The following PRKDC variants were observed in gnomAD, a reference collection of about 807,000 sequenced individuals.
PRKDC encodes the protein protein kinase, DNA-activated, catalytic subunit.
Under a neutral mutation model 486.9 loss-of-function variants are expected in PRKDC, and 82 were observed. That is an observed-to-expected ratio of 0.17 (90% CI 0.14 to 0.20). PRKDC has a LOEUF of 0.20. Ranked by LOEUF, PRKDC falls within the 10% of genes least tolerant of loss-of-function variation. The pLI is 1.00. For synonymous variants in PRKDC, 1,895 were observed against 1,837.0 expected (o/e 1.03, Z -0.81); for missense variants, 4,504 against 5,038.2 (o/e 0.89, Z 3.21).
Position 47,835,911 on chromosome 8 carries a change from G to A in PRKDC, c.7951+427C>T, listed in dbSNP as rs540205751. Among the ~76,000 whole-genome samples the A allele has an allele frequency of 3.7e-4, 57 of 152,140 alleles. 1 individual carries two copies. The South Asian group carries it at 0.012, about 31-fold the overall frequency. ...CCCGTAGCTGGGACTAACTACAGGC[G>A]TGCGCCACCATGCCCAGCTAATTTG... is the stretch of plus-strand genomic sequence containing the variant. On this transcript the variant is annotated intron_variant, in intron 58 of 85. Coordinates refer to ENST00000314191, the MANE Select transcript of PRKDC (RefSeq NM_006904.7).
rs1477153599 is a variant in PRKDC at position 47,929,873 on chromosome 8, T to C, written c.2032A>G (p.Lys678Glu). 1 of 1,596,612 alleles carries C rather than the reference T, an allele frequency of 6.3e-7. No individual in the cohort carries two copies. Among genetic ancestry groups the C allele is most frequent in the Non-Finnish European group, 8.5e-7 (1 of 1,175,988 alleles). The change falls in exon 18 of 86, where the codon AAG (lysine) becomes GAG (glutamate). Residue 678 changes from lysine to glutamate, a missense_variant. Lys to Glu is a moderately conservative substitution (Grantham distance 56). Around this residue, in one of 6 missense-constraint regions of PRKDC, gnomAD observed 1,969 missense variants for 2,068.9 expected, o/e 0.95. Coordinates refer to ENST00000314191, the MANE Select transcript of PRKDC (RefSeq NM_006904.7). ...KLLSITVRNAKKIKYFEGVSP... is the reference protein window; with the variant it reads ...KLLSITVRNAEKIKYFEGVSP... The stretch of plus-strand genomic sequence containing the variant: ...CTCACCTCGAAATATTTTATTTTCT[T>C]GGCATTTCTTACTGTAATAGAAAGC...
chr8:47,947,302 A>G (rs2090550487), intron 7 of PRKDC, among the ~76,000 whole-genome samples: 1 of 152,012 alleles, frequency 6.6e-6, no homozygotes, highest in African/African-American at 2.4e-5. Flanking sequence ...CACCTCTCCA[A>G]ATTCTGGCAT....
Position 47,782,125 on chromosome 8 carries a change from C to T in PRKDC, c.11489+37G>A, listed in dbSNP as rs1400295678. The T allele has an allele frequency of 3.2e-6, 5 of 1,572,080 alleles. No individual in the cohort carries two copies. Among genetic ancestry groups the T allele is most frequent in the Non-Finnish European group, 3.5e-6 (4 of 1,142,562 alleles). ...CTGCCACTGGAGAAGTGAGGGGAGG[C>T]GACTGCTGGGGGAGCAGGGCGTGTG... is the stretch of plus-strand genomic sequence containing the variant. On this transcript the variant is annotated intron_variant, in intron 80 of 85. Transcript: ENST00000314191. The surrounding 1 kb of genome is among the most constrained non-coding windows in gnomAD (Gnocchi z 4.9).
At chr8:47,813,088 A>ATT (rs1478367625) in intron 68 of PRKDC, among the ~76,000 whole-genome samples, 9 of 146,178 alleles carry the variant, frequency 6.2e-5, no homozygotes, top group South Asian at 2.1e-4. Context: ...CAAAAATAGA[A>ATT]TTTTATATTT....
intron 7 of PRKDC, among the ~76,000 whole-genome samples, chr8:47,951,364 A>C (rs1406577773): frequency 6.6e-6 from 1 of 151,600 alleles, no homozygotes; most frequent in Non-Finnish European, 1.5e-5. Context: ...CTGTCTCAGA[A>C]AAAAAAAAGA....
chr8:47,793,702 AAAG>A, intron 74 of PRKDC, among the ~76,000 whole-genome samples: 1 of 149,732 alleles, frequency 6.7e-6, no homozygotes, highest in African/African-American at 2.4e-5. Flanking sequence ...AAAAAAAAAA[AAAG>A]ATGCCAGCGC....
At chr8:47,778,039 G>A (rs2086635676) in intron 83 of PRKDC, among the ~76,000 whole-genome samples, 165 bp from the exon 84 acceptor site, 1 of 152,160 alleles carries the variant, frequency 6.6e-6, no homozygotes, top group Non-Finnish European at 1.5e-5. Flanking sequence ...ATGCTCGAGA[G>A]TAACCCCCTC....
chr8:47,870,032 G>A (rs1285152657), intron 40 of PRKDC, among the ~76,000 whole-genome samples: 1 of 152,196 alleles, frequency 6.6e-6, no homozygotes, highest in African/African-American at 2.4e-5. Flanking sequence ...AGAGCACCAG[G>A]TAAATTCCTA....
chr8:47,908,912 C>CT (rs1302196745), intron 25 of PRKDC, among the ~76,000 whole-genome samples: 4 of 152,202 alleles, frequency 2.6e-5, no homozygotes, highest in African/African-American at 9.6e-5. Flanking sequence ...CAAAGCCCCT[C>CT]TTCCTTACCC....
intron 30 of PRKDC, among the ~76,000 whole-genome samples, chr8:47,896,153 T>C (rs1221982580): frequency 6.6e-6 from 1 of 152,024 alleles, no homozygotes; most frequent in African/African-American, 2.4e-5. Context: ...TATACTTCAT[T>C]ATTTATATAG....
At chr8:47,892,996 T>C (rs2089494935) in intron 31 of PRKDC, 143 bp downstream of exon 31, 3 of 924,538 alleles carry the variant, frequency 3.2e-6, no homozygotes, top group Non-Finnish European at 4.4e-6. Context: ...AATGGAACCC[T>C]TGCAGAGAAG....
At chr8:47,893,687 G>A (rs2089513609) in intron 30 of PRKDC, among the ~76,000 whole-genome samples, 1 of 152,122 alleles carries the variant, frequency 6.6e-6, no homozygotes, top group South Asian at 2.1e-4. Context: ...ATTTGCAAAT[G>A]AGAACAATAA....
At chr8:47,862,244 T>C (rs990173354) in intron 43 of PRKDC, 117 bp from the exon 44 acceptor site, 8 of 1,338,630 alleles carry the variant, frequency 6.0e-6, no homozygotes, top group East Asian at 5.0e-5. Context: ...GCTTTAAATA[T>C]ACCTATGCAG....
chr8:47,875,122 T>C (rs1013439178), intron 40 of PRKDC, among the ~76,000 whole-genome samples: 7 of 152,326 alleles, frequency 4.6e-5, no homozygotes, highest in East Asian at 3.9e-4. Context: ...TTAATTCAAT[T>C]TGATTACTTG....
rs966680572 is a variant in PRKDC, at chr8:47,832,039, A to T, written c.8153-113T>A. ...CAAAACCTACAGGTGCCGCAGAGGC[A>T]GCGACCGGGAGCAGGAGTGCAGGGG... On this transcript the variant is annotated intron_variant, in intron 59 of 85. Transcript: ENST00000314191. The T allele has an allele frequency of 3.4e-6, 3 of 878,234 alleles. No individual in the cohort carries two copies. The African/African-American group carries it at 5.0e-5, about 15-fold the overall frequency. The allele number at this position is 878,234 out of a possible 1,614,324, so 54.4% of individuals were successfully genotyped here. A position where few individuals can be genotyped will look rare whatever the true frequency, so the allele number is the denominator to read the frequency against.
intron 69 of PRKDC, among the ~76,000 whole-genome samples, chr8:47,804,680 T>C (rs1282646390): frequency 6.6e-6 from 1 of 152,216 alleles, no homozygotes; most frequent in African/African-American, 2.4e-5. Context: ...TGTGTATGAA[T>C]TTCCATGTGA....
intron 31 of PRKDC, among the ~76,000 whole-genome samples, chr8:47,892,187 A>C (rs1211860916): frequency 6.6e-6 from 1 of 152,100 alleles, no homozygotes; most frequent in Non-Finnish European, 1.5e-5. Context: ...AGTTTTTTTA[A>C]TACTAAAATC....
At chr8:47,954,239 A>G (rs2090668828) in intron 5 of PRKDC, 99 bp downstream of exon 5, 1 of 553,016 alleles carries the variant, frequency 1.8e-6, no homozygotes, top group African/African-American at 2.0e-5. Context: ...ATTCGACTGT[A>G]AAATAAGACC....
intron 14 of PRKDC, among the ~76,000 whole-genome samples, chr8:47,934,386 T>C (rs535172034): frequency 2.0e-5 from 3 of 152,046 alleles, no homozygotes; most frequent in Non-Finnish European, 4.4e-5. Flanking sequence ...AACACAAAAA[T>C]TGGCTGGGCA....
Sources: gnomAD v4.1 joint callset for allele counts (sites outside exome capture counted in the v4.1 genomes callset) on GRCh38, gnomAD v4.1.1 for gene constraint, gnomAD v4.1.1 regional missense constraint, Gnocchi (gnomAD v3.1) non-coding constraint, MANE v1.5 for transcripts, NCBI Gene and HGNC (gene_info 2026-07-23, HGNC 2026-07-21) for gene names.